The following PAPSS2 variants were observed in gnomAD, a reference collection of about 807,000 sequenced individuals.
PAPSS2 encodes 3'-phosphoadenosine 5'-phosphosulfate synthase 2, also known as bifunctional 3'-phosphoadenosine 5'-phosphosulfate synthase 2.
A neutral mutation model predicts 66.5 loss-of-function variants in PAPSS2; 61 were observed. The observed-to-expected ratio is 0.92, with a 90% CI of 0.75 to 1.14. PAPSS2 has a LOEUF of 1.14. Ranked by LOEUF, PAPSS2 falls within the 50% of genes most tolerant of loss-of-function variation. The pLI is 0.00. For missense variants in PAPSS2, 708 were observed against 789.6 expected, an observed-to-expected ratio of 0.90 and a Z score of 1.24; for synonymous variants, 289 against 287.5, an observed-to-expected ratio of 1.01 and a Z score of -0.05.
In PAPSS2 at chr10:87,746,454, CAA is replaced by C. The variant is rs1282748503; in HGVS notation, c.*485_*486del. The C allele has an allele frequency of 6.5e-6, 1 of 153,298 alleles. No individual in the cohort carries two copies. Among genetic ancestry groups the C allele is most frequent in the Non-Finnish European group, 1.4e-5 (1 of 69,118 alleles). 9.5% of individuals were successfully genotyped at this position (153,298 alleles called of 1,614,324 possible). A position where few individuals can be genotyped will look rare whatever the true frequency, so the allele number is the denominator to read the frequency against. On this transcript the variant is annotated 3_prime_UTR_variant, in exon 13 of 13. Transcript: ENST00000456849. ...ACTCTAAAAGAGGTGTGGCTCACAT[CAA>C]GATTCTTCCTGATATTTTACCTCAT... is the stretch of plus-strand genomic sequence containing the variant.
chr10:87,746,074 T>C lies in PAPSS2; in HGVS notation c.*104T>C. 1 of 1,072,890 alleles carries C rather than the reference T, an allele frequency of 9.3e-7. No individual in the cohort carries two copies. Among genetic ancestry groups the C allele is most frequent in the Non-Finnish European group, 1.4e-6 (1 of 716,654 alleles). 66.5% of individuals were successfully genotyped at this position (1,072,890 alleles called of 1,614,324 possible). A position where few individuals can be genotyped will look rare whatever the true frequency, so the allele number is the denominator to read the frequency against. On this transcript the variant is annotated 3_prime_UTR_variant, in exon 13 of 13. Transcript: ENST00000456849. ...ATTGCTTCTCAATGATGCATTTTAA[T>C]CTTTTATAATGAAGTAAAAGTTGTG...
chr10:87,695,468 A>G (rs1487075610), intron 1 of PAPSS2, among the ~76,000 whole-genome samples: 1 of 152,236 alleles, frequency 6.6e-6, no homozygotes, highest in Non-Finnish European at 1.5e-5. Flanking sequence ...TTAGGGGGCA[A>G]AAGGCAAGGG....
intron 1 of PAPSS2, among the ~76,000 whole-genome samples, chr10:87,660,675 C>T (rs1852738955): frequency 6.6e-6 from 1 of 151,938 alleles, no homozygotes; most frequent in Admixed American, 6.6e-5. Context: ...TCTGAGCTGT[C>T]CTCCTTTAAT....
chr10:87,673,318 G>A (rs1852902822), intron 1 of PAPSS2, among the ~76,000 whole-genome samples: 1 of 151,982 alleles, frequency 6.6e-6, no homozygotes, highest in African/African-American at 2.4e-5. Context: ...AAATATCTCT[G>A]GAATTTTCTT....
chr10:87,702,723 T>C (rs1040395237), intron 1 of PAPSS2, among the ~76,000 whole-genome samples: 2 of 152,112 alleles, frequency 1.3e-5, no homozygotes, highest in African/African-American at 4.8e-5. Flanking sequence ...TTTTTTTAAT[T>C]GAGACATTAT....
At chr10:87,713,676 G>T (rs1431180077) in intron 3 of PAPSS2, among the ~76,000 whole-genome samples, 1 of 152,178 alleles carries the variant, frequency 6.6e-6, no homozygotes, top group Non-Finnish European at 1.5e-5. Context: ...GCAGTTCATG[G>T]CCAAAGCTTC....
chr10:87,742,594 T>A (rs924288590), intron 10 of PAPSS2, among the ~76,000 whole-genome samples: 1 of 152,152 alleles, frequency 6.6e-6, no homozygotes, highest in Non-Finnish European at 1.5e-5. Flanking sequence ...GAAAAAAAAA[T>A]TAAGGCTCTC....
At chr10:87,689,957 A>G (rs1853148823) in intron 1 of PAPSS2, among the ~76,000 whole-genome samples, 1 of 152,230 alleles carries the variant, frequency 6.6e-6, no homozygotes, top group Non-Finnish European at 1.5e-5. Context: ...CTCTGTGGCA[A>G]TGCTGTTGGG....
At chr10:87,700,657 CAAA>C (rs1168522761) in intron 1 of PAPSS2, among the ~76,000 whole-genome samples, 7 of 63,178 alleles carry the variant, frequency 1.1e-4, no homozygotes, top group African/African-American at 1.1e-4. Context: ...GACCCTGTCT[CAAA>C]AAAAAAAAAA....
intron 8 of PAPSS2, among the ~76,000 whole-genome samples, chr10:87,725,902 C>CACACACACACACACACACAA (rs2131719817): frequency 6.6e-6 from 1 of 151,924 alleles, no homozygotes; most frequent in Admixed American, 6.5e-5. Context: ...CACACACACA[C>CACACACACACACACACACAA]ACACACACAC....
At position 87,659,904 on chromosome 10, in the gene PAPSS2, CT is replaced by C. The variant is rs1852725582; in HGVS notation, c.-77del. On this transcript the variant is annotated 5_prime_UTR_variant, in exon 1 of 13. Coordinates refer to ENST00000456849, the MANE Select transcript of PAPSS2 (RefSeq NM_001015880.2). Reference sequence around the variant, plus strand: ...GCCGCTGCTGCTGCTGCTGCTGCTGCTGCCGCCGCCGCCGCCGCCGTCCCTG... The same window carrying C: ...GCCGCTGCTGCTGCTGCTGCTGCTGCGCCGCCGCCGCCGCCGCCGTCCCTG... 1.4e-6 allele frequency: 2 copies of C among 1,472,090 alleles called. No homozygotes were observed. The highest frequency in any genetic ancestry group is 4.6e-5 in the East Asian group (2 of 43,388). The allele number at this position is 1,472,090 out of a possible 1,614,324, so 91.2% of individuals were successfully genotyped here. A position where few individuals can be genotyped will look rare whatever the true frequency, so the allele number is the denominator to read the frequency against.
At chr10:87,726,348 T>C (rs1853659540) in intron 8 of PAPSS2, among the ~76,000 whole-genome samples, 2 of 152,292 alleles carry the variant, frequency 1.3e-5, no homozygotes, top group African/African-American at 4.8e-5. Context: ...GACAATAGCT[T>C]GAACCTGGGA....
chr10:87,660,387 C>A, intron 1 of PAPSS2: 1 of 355,730 alleles, frequency 2.8e-6, no homozygotes, highest in East Asian at 5.7e-5. Flanking sequence ...GCAGATCGAG[C>A]TGACTCCCGT....
At chr10:87,664,666 T>G (rs114647196) in intron 1 of PAPSS2, among the ~76,000 whole-genome samples, 2,443 of 152,308 alleles carry the variant, frequency 0.016, 72 homozygotes, top group African/African-American at 0.056. Context: ...TTTTAGGGAA[T>G]TAGAGTCTGG....
At chr10:87,711,880 A>T (rs1853466271) in intron 2 of PAPSS2, among the ~76,000 whole-genome samples, 1 of 152,100 alleles carries the variant, frequency 6.6e-6, no homozygotes, top group Non-Finnish European at 1.5e-5. Context: ...GCTGTCGGAC[A>T]GAGGCTTGGC....
intron 9 of PAPSS2, among the ~76,000 whole-genome samples, chr10:87,729,852 C>T (rs991100875): frequency 6.6e-5 from 10 of 151,934 alleles, no homozygotes; most frequent in Non-Finnish European, 1.2e-4. Flanking sequence ...CAAAATTAGC[C>T]GGGCATGGTG....
intron 1 of PAPSS2, among the ~76,000 whole-genome samples, chr10:87,676,173 C>T (rs944135185): frequency 2.6e-5 from 4 of 152,024 alleles, no homozygotes; most frequent in Admixed American, 2.6e-4. Flanking sequence ...GAAGACCATT[C>T]TTTCTTAGTG....
intron 1 of PAPSS2, among the ~76,000 whole-genome samples, chr10:87,688,159 T>C (rs904468953): frequency 6.6e-6 from 1 of 151,990 alleles, no homozygotes; most frequent in Non-Finnish European, 1.5e-5. Context: ...TTAAAATACA[T>C]ATAATAACAC....
intron 1 of PAPSS2, among the ~76,000 whole-genome samples, chr10:87,699,304 T>C (rs1430244427): frequency 6.6e-6 from 1 of 152,234 alleles, no homozygotes; most frequent in South Asian, 2.1e-4. Flanking sequence ...ATATATTTTT[T>C]TGCAGTCAAA....
Sources: allele counts gnomAD v4.1 joint callset (sites outside exome capture counted in the v4.1 genomes callset), GRCh38; gene constraint gnomAD v4.1.1; transcripts MANE v1.5; gene names NCBI Gene and HGNC (gene_info 2026-07-23, HGNC 2026-07-21).